CDC14A: variants seen among roughly 807,000 people sequenced by gnomAD.
The protein encoded by CDC14A is cell division cycle 14A.
A neutral mutation model predicts 74.4 loss-of-function variants in CDC14A; 53 were observed. The observed-to-expected ratio is 0.71, with a 90% CI of 0.57 to 0.89. CDC14A has a LOEUF of 0.89. Among genes scored for constraint, CDC14A ranks in the 40% least tolerant of loss-of-function variants. The probability of loss-of-function intolerance (pLI) is 0.00; values close to 1 mark genes in which losing one functional copy is unlikely to be tolerated. For missense variants in CDC14A, 646 were observed against 713.7 expected (o/e 0.91, Z 1.08); for synonymous variants, 247 against 258.4 (o/e 0.96, Z 0.43).
chr1:100,518,543 G>C lies in CDC14A; in HGVS notation c.*263G>C, dbSNP rs747382824. 7.1e-5 allele frequency: 24 copies of C among 338,986 alleles called. No individual in the cohort carries two copies. Among genetic ancestry groups the C allele is most frequent in the Non-Finnish European group, 1.3e-4 (24 of 183,888 alleles). 21.0% of individuals were successfully genotyped at this position (338,986 alleles called of 1,614,324 possible). ...TTAATGTTGAATTTGGTATTTTGAA[G>C]GGTTATTTTTAATGTATTTTGGTAA... On this transcript the variant is annotated 3_prime_UTR_variant, in exon 16 of 16. Coordinates refer to ENST00000336454, the MANE Select transcript of CDC14A (RefSeq NM_003672.4).
At chr1:100,471,447 C>T (rs887001062) in intron 10 of CDC14A, among the ~76,000 whole-genome samples, 23 of 152,050 alleles carry the variant, frequency 1.5e-4, no homozygotes, top group African/African-American at 5.3e-4. Context: ...CTGGTAACTT[C>T]AGGTTAGAGA....
intron 2 of CDC14A, among the ~76,000 whole-genome samples, chr1:100,366,263 A>G (rs1301635324): frequency 6.6e-6 from 1 of 152,232 alleles, no homozygotes; most frequent in Non-Finnish European, 1.5e-5. Context: ...TCTGTGATGA[A>G]TATGCTAACT....
Position 100,352,746 on chromosome 1 carries a change from C to T in CDC14A, c.-209C>T. ...AGGGGCGTGAGCGCCCCGCGCGGAG[C>T]GAGCTCGGGTTCCCCTCGGAATGTC... On this transcript the variant is annotated 5_prime_UTR_variant, in exon 1 of 16. Coordinates refer to ENST00000336454, the MANE Select transcript of CDC14A (RefSeq NM_003672.4). 7.2e-7 allele frequency: 1 copy of T among 1,396,980 alleles called. No individual in the cohort carries two copies. The highest frequency in any genetic ancestry group is 2.7e-4 in the Middle Eastern group (1 of 3,752). 86.5% of individuals were successfully genotyped at this position (1,396,980 alleles called of 1,614,324 possible). A position where few individuals can be genotyped will look rare whatever the true frequency, so the allele number is the denominator to read the frequency against.
intron 3 of CDC14A, among the ~76,000 whole-genome samples, chr1:100,381,282 T>C (rs1219226294): frequency 1.3e-5 from 2 of 152,182 alleles, no homozygotes; most frequent in Admixed American, 6.5e-5. Flanking sequence ...GTTATCTAAC[T>C]TTTGCCTTCC....
intron 4 of CDC14A, among the ~76,000 whole-genome samples, chr1:100,408,147 T>C (rs1660195966): frequency 6.6e-6 from 1 of 152,192 alleles, no homozygotes; most frequent in African/African-American, 2.4e-5. Context: ...AGTTCCAGCT[T>C]ATAAGTGAGA....
At position 100,498,894 on chromosome 1, in the gene CDC14A, TG is replaced by T. The variant is rs758355476; in HGVS notation, c.1422-34del. 6.3e-6 allele frequency: 10 copies of T among 1,580,904 alleles called. No homozygotes were observed. In the South Asian group the frequency reaches 1.2e-4, roughly 18 times the overall value. ...CTCTGTGTGATTGTACATTGTTGTC[TG>T]TTTTTTCCCTCCTCACTTGTGTTTT... On this transcript the variant is annotated intron_variant, in intron 14 of 15. Coordinates refer to ENST00000336454, the MANE Select transcript of CDC14A (RefSeq NM_003672.4).
intron 8 of CDC14A, among the ~76,000 whole-genome samples, chr1:100,460,344 T>A (rs1221487820): frequency 6.6e-6 from 1 of 152,186 alleles, no homozygotes; most frequent in African/African-American, 2.4e-5. Flanking sequence ...ATGATGGAAA[T>A]TCATATATGA....
At chr1:100,393,131 CAT>C in intron 4 of CDC14A, 1 of 1,487,708 alleles carries the variant, frequency 6.7e-7, no homozygotes, top group Non-Finnish European at 9.4e-7. Context: ...CGTTCAGTCT[CAT>C]AATTCTTACT....
intron 10 of CDC14A, among the ~76,000 whole-genome samples, chr1:100,477,896 A>G (rs1349385359): frequency 6.6e-6 from 1 of 152,204 alleles, no homozygotes; most frequent in Non-Finnish European, 1.5e-5. Context: ...CTAGTCCTTG[A>G]GGACCAAAAT....
At chr1:100,348,003 G>A (rs142476823), upstream of CDC14A, among the ~76,000 whole-genome samples, 3 of 151,972 alleles carry the variant, frequency 2.0e-5, no homozygotes, top group Admixed American at 1.3e-4. Context: ...AATATTTTCC[G>A]CCAGGTGCAG....
intron 7 of CDC14A, among the ~76,000 whole-genome samples, chr1:100,453,018 A>G (rs1412965443): frequency 6.6e-6 from 1 of 152,198 alleles, no homozygotes; most frequent in Non-Finnish European, 1.5e-5. Flanking sequence ...CGTATATTAT[A>G]TTAGGTCAGT....
At chr1:100,386,679 C>G (rs1018304656) in intron 3 of CDC14A, among the ~76,000 whole-genome samples, 3 of 152,112 alleles carry the variant, frequency 2.0e-5, no homozygotes, top group African/African-American at 7.2e-5. Context: ...TCCTGTGGTC[C>G]CAGCTACAGA....
intron 4 of CDC14A, among the ~76,000 whole-genome samples, chr1:100,404,890 G>A (rs1659753661): frequency 6.6e-6 from 1 of 152,146 alleles, no homozygotes; most frequent in Non-Finnish European, 1.5e-5. Flanking sequence ...GACTGGGAAA[G>A]TGTAACCTCA....
chr1:100,451,941 G>GT (rs757476247), intron 7 of CDC14A, among the ~76,000 whole-genome samples: 3 of 152,068 alleles, frequency 2.0e-5, no homozygotes, highest in Non-Finnish European at 4.4e-5. Context: ...ATTATTTTAT[G>GT]TTTGACACCA....
intron 9 of CDC14A, 84 bp downstream of exon 9, chr1:100,462,965 T>C (rs765027209): frequency 3.2e-6 from 3 of 942,316 alleles, no homozygotes; most frequent in African/African-American, 1.7e-5. Context: ...ACAAAACCTG[T>C]TTAGTGTCTT....
chr1:100,349,927 C>A (rs547150474), upstream of CDC14A, among the ~76,000 whole-genome samples: 11 of 151,258 alleles, frequency 7.3e-5, no homozygotes, highest in East Asian at 2.1e-3. Context: ...GGATTACAGG[C>A]GTGTGCCACC....
chr1:100,502,028 T>C (rs1180112935), intron 15 of CDC14A, among the ~76,000 whole-genome samples: 2 of 152,170 alleles, frequency 1.3e-5, no homozygotes. Context: ...TAAAAAATAG[T>C]AAACTAAGTA....
At chr1:100,415,135 G>T (rs1661365412) in intron 4 of CDC14A, among the ~76,000 whole-genome samples, 1 of 152,140 alleles carries the variant, frequency 6.6e-6, no homozygotes. Flanking sequence ...AATCAAATTA[G>T]ATGGGAAGAC....
At position 100,393,480 on chromosome 1, in the gene CDC14A, C is replaced by T. The variant is rs557962968; in HGVS notation, c.309+2656C>T. 1.3e-4 allele frequency: 99 copies of T among 770,716 alleles called. 1 individual carries two copies. Among genetic ancestry groups the T allele is most frequent in the African/African-American group, 2.2e-4 (13 of 58,828 alleles). 47.7% of individuals were successfully genotyped at this position (770,716 alleles called of 1,614,324 possible). A position where few individuals can be genotyped will look rare whatever the true frequency, so the allele number is the denominator to read the frequency against. On this transcript the variant is annotated intron_variant, in intron 4 of 15. Coordinates refer to ENST00000336454, the MANE Select transcript of CDC14A (RefSeq NM_003672.4). The stretch of plus-strand genomic sequence containing the variant: ...CATACTGAGCAATTCAGTTGGTTGT[C>T]GAGCAGCCAGTCTCTCAAATTCATT...
Sources: allele counts gnomAD v4.1 joint callset (sites outside exome capture counted in the v4.1 genomes callset), GRCh38; gene constraint gnomAD v4.1.1; transcripts MANE v1.5; gene names NCBI Gene and HGNC (gene_info 2026-07-23, HGNC 2026-07-21).